Variants in HEATR5B observed in about 807,000 individuals in gnomAD.
HEATR5B encodes HEAT repeat-containing protein 5B.
In HEATR5B, 156 loss-of-function variants were observed where a neutral mutation model predicts 224.1. The ratio of observed to expected loss-of-function variants is 0.70; its 90% CI spans 0.61 to 0.80. The LOEUF is 0.80. Ranked by LOEUF, HEATR5B falls within the 30% of genes least tolerant of loss-of-function variation. The pLI is 0.00. For synonymous variants in HEATR5B, 1,027 were observed against 893.0 expected (o/e 1.15, Z -2.68); for missense variants, 2,323 against 2,535.5 (o/e 0.92, Z 1.80).
intron 29 of HEATR5B, among the ~76,000 whole-genome samples, chr2:37,006,565 C>A (rs1667431548): frequency 1.3e-5 from 2 of 152,186 alleles, no homozygotes; most frequent in South Asian, 4.1e-4. Flanking sequence ...CGCTTGAACC[C>A]AGGAGGCGGA....
At chr2:37,049,926 C>A in intron 17 of HEATR5B, 83 bp from the exon 18 acceptor site, 1 of 1,335,962 alleles carries the variant, frequency 7.5e-7, no homozygotes, top group Middle Eastern at 2.7e-4. Context: ...GGTCTTGCTC[C>A]CTTGCCCAGG....
chr2:37,062,577 A>G (rs1671352531), intron 10 of HEATR5B, among the ~76,000 whole-genome samples: 1 of 152,246 alleles, frequency 6.6e-6, no homozygotes, highest in Admixed American at 6.5e-5. Flanking sequence ...GCCAAATGCC[A>G]TCTCTGCCAT....
In HEATR5B at chr2:37,027,991, C is replaced by T. The variant is rs1668887099; in HGVS notation, c.3785G>A (p.Cys1262Tyr). 2.5e-6 allele frequency: 4 copies of T among 1,614,174 alleles called. No individual in the cohort carries two copies. The highest frequency in any genetic ancestry group is 2.5e-6 in the Non-Finnish European group (3 of 1,180,018). The change falls in exon 24 of 36, where the codon TGT (cysteine) becomes TAT (tyrosine). Residue 1262 changes from cysteine (C) to tyrosine (Y), a missense_variant. Physicochemically the swap from Cys to Tyr is radical, Grantham distance 194. Transcript: ENST00000233099. ...AAAGTGAGCCTGGTCTGCATTCTCA[C>T]ACAAATTGATGATTCGACACAGGCA... The part of the protein sequence containing the change: ...ADCLCRIINL[C>Y]ENADQAHFDL...
intron 9 of HEATR5B, 109 bp from the exon 10 acceptor site, chr2:37,065,099 C>T: frequency 1.8e-6 from 2 of 1,115,578 alleles, no homozygotes; most frequent in Non-Finnish European, 2.6e-6. Flanking sequence ...CAAGCTTTCA[C>T]ACATATAGAT....
At chr2:37,046,411 G>C (rs1670196511) in intron 18 of HEATR5B, among the ~76,000 whole-genome samples, 3 of 152,218 alleles carry the variant, frequency 2.0e-5, no homozygotes, top group African/African-American at 7.2e-5. Flanking sequence ...GGCCAAGGTG[G>C]GTGGATCATT....
intron 18 of HEATR5B, among the ~76,000 whole-genome samples, chr2:37,044,304 C>T (rs1052833297): frequency 6.6e-6 from 1 of 152,178 alleles, no homozygotes; most frequent in Non-Finnish European, 1.5e-5. Flanking sequence ...CTGGCAACCA[C>T]TGAGCTGTCT....
intron 3 of HEATR5B, among the ~76,000 whole-genome samples, chr2:37,078,459 T>C (rs1672364442): frequency 6.6e-6 from 1 of 151,966 alleles, no homozygotes; most frequent in South Asian, 2.1e-4. Flanking sequence ...TATAAAATTA[T>C]GTGTGTATTT....
In HEATR5B at chr2:36,997,565, T is replaced by TTG. The variant is rs1666804216; in HGVS notation, c.5545+3020_5545+3021insCA. ...TTGACTTACAGTTAGTCCTCTGCCATTCTTTTTTTTTTTTTTTTTGAGACG... is the reference window on the plus strand; with the variant it reads ...TTGACTTACAGTTAGTCCTCTGCCATTGTCTTTTTTTTTTTTTTTTTGAGACG... On this transcript the variant is annotated intron_variant, in intron 33 of 35. Coordinates refer to ENST00000233099, the MANE Select transcript of HEATR5B (RefSeq NM_019024.3). 3.2e-4 allele frequency among the ~76,000 whole-genome samples: 12 copies of TTG among 37,286 alleles called. No homozygotes were observed. In the Admixed American group the frequency reaches 5.0e-3, roughly 15 times the overall value. The allele number at this position is 37,286 out of a possible 152,430, so 24.5% of individuals were successfully genotyped here.
intron 16 of HEATR5B, among the ~76,000 whole-genome samples, chr2:37,054,240 G>A (rs1246478421): frequency 7.1e-6 from 1 of 141,562 alleles, no homozygotes. Flanking sequence ...TGTTGCCCAG[G>A]CTGGAGTGCA....
chr2:37,043,211 T>A (rs947179119), intron 18 of HEATR5B, among the ~76,000 whole-genome samples: 2 of 152,186 alleles, frequency 1.3e-5, no homozygotes, highest in African/African-American at 4.8e-5. Context: ...CCTGAAGCAT[T>A]TCTTTAAAGA....
intron 10 of HEATR5B, 130 bp downstream of exon 10, chr2:37,064,609 GA>G (rs1349136679): frequency 6.0e-6 from 5 of 834,984 alleles, no homozygotes; most frequent in Non-Finnish European, 9.5e-6. Context: ...ACCATAGTAA[GA>G]ACACTATGTT....
chr2:37,009,115 G>A (rs564432905), intron 27 of HEATR5B, among the ~76,000 whole-genome samples: 88 of 151,658 alleles, frequency 5.8e-4, no homozygotes, highest in Non-Finnish European at 9.3e-4. Flanking sequence ...AAAATTAGCC[G>A]GGCATGGTGG....
At chr2:37,059,174 A>G (rs1426605331) in intron 12 of HEATR5B, among the ~76,000 whole-genome samples, 187 bp from the exon 13 acceptor site, 1 of 151,782 alleles carries the variant, frequency 6.6e-6, no homozygotes, top group African/African-American at 2.4e-5. Context: ...AAAGGCTAGA[A>G]AAAAGGTGGA....
At chr2:37,051,354 CAAAAAAA>C (rs11313174) in intron 17 of HEATR5B, among the ~76,000 whole-genome samples, 1 of 66,040 alleles carries the variant, frequency 1.5e-5, no homozygotes, top group Non-Finnish European at 2.8e-5. Context: ...AACTCCATCT[CAAAAAAA>C]AAAAAAAAAA....
At chr2:37,052,238 T>G (rs1474160975) in intron 17 of HEATR5B, among the ~76,000 whole-genome samples, 1 of 152,190 alleles carries the variant, frequency 6.6e-6, no homozygotes, top group Non-Finnish European at 1.5e-5. Context: ...GATGCGCGAA[T>G]CCTGTGAGAT....
At chr2:37,014,233 C>T (rs1667971251) in intron 26 of HEATR5B, among the ~76,000 whole-genome samples, 1 of 152,080 alleles carries the variant, frequency 6.6e-6, no homozygotes, top group African/African-American at 2.4e-5. Context: ...GTGATCTCGG[C>T]TCACTGCAAG....
intron 33 of HEATR5B, among the ~76,000 whole-genome samples, chr2:36,998,410 G>C (rs572198033): frequency 1.3e-5 from 2 of 152,204 alleles, no homozygotes; most frequent in African/African-American, 2.4e-5. Context: ...ATACTGGTGA[G>C]AATGTGGGAA....
chr2:37,010,713 C>T (rs1667732683), intron 27 of HEATR5B, among the ~76,000 whole-genome samples: 1 of 151,930 alleles, frequency 6.6e-6, no homozygotes, highest in Non-Finnish European at 1.5e-5. Flanking sequence ...AGGGTTTCTC[C>T]ACGTTGGCCA....
At chr2:37,033,101 G>A (rs972384939) in intron 21 of HEATR5B, among the ~76,000 whole-genome samples, 31 of 151,792 alleles carry the variant, frequency 2.0e-4, no homozygotes, top group African/African-American at 6.0e-4. Context: ...GGCTGGTTTC[G>A]AACTCCTGAC....
Sources: gnomAD v4.1 joint callset for allele counts (sites outside exome capture counted in the v4.1 genomes callset) on GRCh38, gnomAD v4.1.1 for gene constraint, MANE v1.5 for transcripts, NCBI Gene and HGNC (gene_info 2026-07-23, HGNC 2026-07-21) for gene names.